Variants in TXNDC16 observed in about 807,000 individuals in gnomAD.
The protein encoded by TXNDC16 is thioredoxin domain containing 16.
Under a neutral mutation model 85.6 loss-of-function variants are expected in TXNDC16, and 74 were observed. The observed-to-expected ratio is 0.86, with a 90% CI of 0.72 to 1.05. The LOEUF (loss-of-function observed/expected upper bound fraction) is 1.05. Ranked by LOEUF, TXNDC16 falls within the 50% of genes least tolerant of loss-of-function variation. The probability of loss-of-function intolerance (pLI) is 0.00; values close to 1 mark genes in which losing one functional copy is unlikely to be tolerated. For synonymous variants in TXNDC16, 335 were observed against 326.5 expected (o/e 1.03, Z -0.28); for missense variants, 959 against 947.0 (o/e 1.01, Z -0.17).
intron 9 of TXNDC16, among the ~76,000 whole-genome samples, chr14:52,503,289 T>A (rs1247173324): frequency 1.3e-5 from 2 of 152,250 alleles, no homozygotes; most frequent in Non-Finnish European, 2.9e-5. Flanking sequence ...AGTGGGTCCC[T>A]GACCCCCAAG....
intron 6 of TXNDC16, among the ~76,000 whole-genome samples, chr14:52,521,215 T>C (rs1392115414): frequency 6.6e-6 from 1 of 151,506 alleles, no homozygotes; most frequent in East Asian, 1.9e-4. Context: ...TGGGTTCAAG[T>C]GATTCTTCTG....
chr14:52,519,394 T>C (rs1166100072), intron 6 of TXNDC16, 101 bp from the exon 7 acceptor site: 12 of 822,102 alleles, frequency 1.5e-5, no homozygotes, highest in Non-Finnish European at 2.3e-5. Context: ...TATATCTCCA[T>C]TGAATAAATT....
intron 6 of TXNDC16, among the ~76,000 whole-genome samples, chr14:52,523,521 CAG>C (rs1251128456): frequency 1.3e-5 from 2 of 152,082 alleles, no homozygotes; most frequent in African/African-American, 4.8e-5. Flanking sequence ...AAAAAAAAGA[CAG>C]AGAGAAATAA....
chr14:52,460,822 T>G (rs1377865729), intron 16 of TXNDC16, among the ~76,000 whole-genome samples: 1 of 152,162 alleles, frequency 6.6e-6, no homozygotes, highest in African/African-American at 2.4e-5. Context: ...TGAATGAAAG[T>G]GTTTTATTGT....
At chr14:52,490,813 T>C (rs571185189) in intron 10 of TXNDC16, 26 bp downstream of exon 10, 7 of 1,594,604 alleles carry the variant, frequency 4.4e-6, no homozygotes, top group African/African-American at 2.7e-5. Flanking sequence ...TTGCTAAATA[T>C]AGTAAATATT....
chr14:52,507,214 A>T (rs557771705), intron 9 of TXNDC16, among the ~76,000 whole-genome samples: 11 of 152,146 alleles, frequency 7.2e-5, no homozygotes, highest in Non-Finnish European at 1.3e-4. Context: ...ACTTCAGCAA[A>T]GTCTCAGGAT....
chr14:52,436,154 A>G (rs186366374), intron 20 of TXNDC16, among the ~76,000 whole-genome samples: 2 of 152,318 alleles, frequency 1.3e-5, no homozygotes, highest in African/African-American at 2.4e-5. Flanking sequence ...CATAATCGCC[A>G]TAAGTAAAGG....
intron 8 of TXNDC16, among the ~76,000 whole-genome samples, chr14:52,513,812 T>G (rs2037013889): frequency 6.6e-6 from 1 of 152,030 alleles, no homozygotes; most frequent in African/African-American, 2.4e-5. Flanking sequence ...TTGCAATTAT[T>G]CATTAACTAA....
intron 11 of TXNDC16, among the ~76,000 whole-genome samples, chr14:52,489,792 T>C (rs1482290665): frequency 6.6e-6 from 1 of 152,136 alleles, no homozygotes; most frequent in Non-Finnish European, 1.5e-5. Flanking sequence ...CCAAAAGTAA[T>C]CACTATTCTG....
At chr14:52,526,414 T>C (rs2037336698) in intron 6 of TXNDC16, among the ~76,000 whole-genome samples, 1 of 152,158 alleles carries the variant, frequency 6.6e-6, no homozygotes, top group Admixed American at 6.5e-5. Flanking sequence ...ATATGCCACA[T>C]ACATGTATAC....
At chr14:52,446,454 G>C (rs1161659356) in intron 18 of TXNDC16, among the ~76,000 whole-genome samples, 1 of 152,170 alleles carries the variant, frequency 6.6e-6, no homozygotes, top group Non-Finnish European at 1.5e-5. Context: ...CCTCAGGCTG[G>C]AGTGTGCTGG....
chr14:52,443,146 G>A (rs753633147), intron 18 of TXNDC16, among the ~76,000 whole-genome samples: 2 of 152,080 alleles, frequency 1.3e-5, no homozygotes, highest in Non-Finnish European at 2.9e-5. Flanking sequence ...CTTAATCTGG[G>A]TGGGCACCAT....
Position 52,431,783 on chromosome 14 carries a change from A to G in TXNDC16, c.*521T>C, listed in dbSNP as rs1313972983. 6 of 152,400 alleles carry G rather than the reference A, an allele frequency of 3.9e-5. No individual in the cohort carries two copies. Among genetic ancestry groups the G allele is most frequent in the African/African-American group, 1.4e-4 (6 of 41,594 alleles). The allele number at this position is 152,400 out of a possible 1,614,324, so 9.4% of individuals were successfully genotyped here. ...CGCTGATTTTAATATCATGACTCCA[A>G]TAAAACAAATATAACTGTCAGCTGC... On this transcript the variant is annotated 3_prime_UTR_variant, in exon 21 of 21. Transcript: ENST00000281741.
At chr14:52,504,113 G>A (rs146565523) in intron 9 of TXNDC16, among the ~76,000 whole-genome samples, 1 of 152,324 alleles carries the variant, frequency 6.6e-6, no homozygotes, top group East Asian at 1.9e-4. Context: ...CTGAAAGTGA[G>A]GGGGAGGATG....
At chr14:52,464,468 C>A (rs922832908) in intron 16 of TXNDC16, among the ~76,000 whole-genome samples, 1 of 152,020 alleles carries the variant, frequency 6.6e-6, no homozygotes, top group Non-Finnish European at 1.5e-5. Context: ...TGGAAGGAGG[C>A]CTAGTGTGAA....
chr14:52,525,735 T>A (rs1236122940), intron 6 of TXNDC16, among the ~76,000 whole-genome samples: 1 of 131,284 alleles, frequency 7.6e-6, no homozygotes, highest in African/African-American at 3.0e-5. Context: ...ATAATAATAA[T>A]AATAATAATA....
At chr14:52,471,686 C>T (rs1253275985) in intron 14 of TXNDC16, among the ~76,000 whole-genome samples, 2 of 151,916 alleles carry the variant, frequency 1.3e-5, no homozygotes, top group Admixed American at 6.6e-5. Context: ...CCTGCAGTAC[C>T]TTAAATATGC....
chr14:52,528,845 A>G lies in TXNDC16; in HGVS notation c.392+7874T>C, dbSNP rs532624573. 7.0e-4 allele frequency among the ~76,000 whole-genome samples: 102 copies of G among 146,080 alleles called. 1 individual carries two copies. Among genetic ancestry groups the G allele is most frequent in the Admixed American group, 1.8e-3 (26 of 14,366 alleles). The stretch of plus-strand genomic sequence containing the variant: ...ATTATACCTAGGTATATATATATAT[A>G]TGTGTGTGTGTATATATATAATACC... On this transcript the variant is annotated intron_variant, in intron 6 of 20. Coordinates refer to ENST00000281741, the MANE Select transcript of TXNDC16 (RefSeq NM_020784.3).
At chr14:52,441,355 T>A (rs1163100626) in intron 18 of TXNDC16, among the ~76,000 whole-genome samples, 2 of 152,158 alleles carry the variant, frequency 1.3e-5, no homozygotes, top group African/African-American at 4.8e-5. Context: ...ACGCCTGTAA[T>A]CCCAGCACTT....
Sources: gnomAD v4.1 joint callset for allele counts (sites outside exome capture counted in the v4.1 genomes callset) on GRCh38, gnomAD v4.1.1 for gene constraint, MANE v1.5 for transcripts, NCBI Gene and HGNC (gene_info 2026-07-23, HGNC 2026-07-21) for gene names.